The following ANO3 variants were observed in gnomAD, a reference collection of about 807,000 sequenced individuals.
ANO3 encodes anoctamin 3.
ANO3 carries 99 observed loss-of-function variants against 144.8 expected under a neutral mutation model. That is an observed-to-expected ratio of 0.68 (90% CI 0.58 to 0.81). The LOEUF is 0.81. Ranked by LOEUF, ANO3 falls within the 30% of genes least tolerant of loss-of-function variation. The pLI, the probability that ANO3 is intolerant of heterozygous loss-of-function variation, is 0.00. For missense variants in ANO3, 905 were observed against 1,202.2 expected (o/e 0.75, Z 3.66); for synonymous variants, 414 against 392.6 (o/e 1.05, Z -0.64).
At position 26,512,458 on chromosome 11, in the gene ANO3, T is replaced by C. The variant is rs142916598; in HGVS notation, c.591+4196T>C. 2.9e-3 allele frequency among the ~76,000 whole-genome samples: 444 copies of C among 152,248 alleles called. 1 individual carries two copies. Among genetic ancestry groups the C allele is most frequent in the African/African-American group, 9.9e-3 (412 of 41,546 alleles). On this transcript the variant is annotated intron_variant, in intron 5 of 26. Transcript: ENST00000256737. ...GTAATCTTTCTCCCTGACAGCATCA[T>C]CCCCGCACCAGCCCCCTGGCCAGTA...
At chr11:26,309,104 G>A (rs1854450226), upstream of ANO3, among the ~76,000 whole-genome samples, 1 of 152,076 alleles carries the variant, frequency 6.6e-6, no homozygotes, top group Non-Finnish European at 1.5e-5. Context: ...CTAAGTGGAG[G>A]TGTCACTTAA....
intron 1 of ANO3, among the ~76,000 whole-genome samples, chr11:26,387,559 T>A (rs1343066333): frequency 6.6e-6 from 1 of 152,152 alleles, no homozygotes; most frequent in Non-Finnish European, 1.5e-5. Flanking sequence ...TCTTTCTGAT[T>A]CTATATTTTT....
chr11:26,490,259 C>A (rs12290812), intron 4 of ANO3, among the ~76,000 whole-genome samples: 2 of 152,124 alleles, frequency 1.3e-5, no homozygotes, highest in East Asian at 1.9e-4. Context: ...TACTGCCATG[C>A]CTTTTGCCTC....
chr11:26,569,100 A>C (rs1360488121), intron 14 of ANO3, among the ~76,000 whole-genome samples: 1 of 152,012 alleles, frequency 6.6e-6, no homozygotes, highest in Admixed American at 6.6e-5. Flanking sequence ...CCTGTAATGA[A>C]AATCTACACA....
chr11:26,607,819 T>C (rs1279794765), intron 17 of ANO3, among the ~76,000 whole-genome samples: 1 of 152,232 alleles, frequency 6.6e-6, no homozygotes, highest in Non-Finnish European at 1.5e-5. Context: ...TTGGTTATTC[T>C]ACATAGCACC....
intron 1 of ANO3, among the ~76,000 whole-genome samples, chr11:26,212,664 C>G (rs111385486): frequency 6.6e-6 from 1 of 151,600 alleles, no homozygotes; most frequent in African/African-American, 2.4e-5. Flanking sequence ...CCAAAAAAAG[C>G]CCAGGACCAG....
chr11:26,479,273 A>G (rs34302108), intron 4 of ANO3, among the ~76,000 whole-genome samples: 132 of 152,320 alleles, frequency 8.7e-4, no homozygotes, highest in Non-Finnish European at 1.6e-3. Context: ...TTAGAACTGA[A>G]AGAGTCCTGA....
At chr11:26,316,990 C>T (rs1265599643) in intron 1 of ANO3, among the ~76,000 whole-genome samples, 1 of 152,164 alleles carries the variant, frequency 6.6e-6, no homozygotes, top group African/African-American at 2.4e-5. Flanking sequence ...TCCCCCTACA[C>T]CTAGTTGGCC....
chr11:26,449,995 A>G (rs1331963419), intron 3 of ANO3, among the ~76,000 whole-genome samples: 5 of 152,088 alleles, frequency 3.3e-5, no homozygotes, highest in African/African-American at 9.7e-5. Flanking sequence ...ACCTCAGGCA[A>G]TCCGCCCAGC....
chr11:26,552,012 G>A (rs1413118164), intron 12 of ANO3, among the ~76,000 whole-genome samples: 1 of 151,938 alleles, frequency 6.6e-6, no homozygotes, highest in African/African-American at 2.4e-5. Flanking sequence ...AGATATAGTT[G>A]ATGGAGAACT....
At chr11:26,592,150 G>A (rs1229070265) in intron 14 of ANO3, among the ~76,000 whole-genome samples, 1 of 152,118 alleles carries the variant, frequency 6.6e-6, no homozygotes, top group Non-Finnish European at 1.5e-5. Context: ...TGGTTAGGAA[G>A]GGCCATCCAT....
chr11:26,225,622 G>T (rs1852241962), intron 1 of ANO3, among the ~76,000 whole-genome samples: 1 of 151,990 alleles, frequency 6.6e-6, no homozygotes, highest in African/African-American at 2.4e-5. Flanking sequence ...TAAAGTAGTT[G>T]CTTTCAGTGA....
intron 1 of ANO3, among the ~76,000 whole-genome samples, chr11:26,206,445 CTTATA>C: frequency 6.6e-6 from 1 of 152,090 alleles, no homozygotes. Flanking sequence ...TAAAATAGCA[CTTATA>C]TTATTTCCTT....
intron 1 of ANO3, among the ~76,000 whole-genome samples, chr11:26,348,108 T>C (rs533793245): frequency 6.6e-6 from 1 of 152,376 alleles, no homozygotes; most frequent in South Asian, 2.1e-4. Context: ...TTTTCAATAA[T>C]ACTTTCCCTC....
chr11:26,480,668 C>T (rs1266221372), intron 4 of ANO3, among the ~76,000 whole-genome samples: 3 of 151,844 alleles, frequency 2.0e-5, no homozygotes, highest in African/African-American at 4.8e-5. Context: ...ATTAGCCAGG[C>T]GTGGTGGCTC....
chr11:26,623,863 T>C (rs1277032051), intron 17 of ANO3, among the ~76,000 whole-genome samples: 1 of 152,186 alleles, frequency 6.6e-6, no homozygotes, highest in African/African-American at 2.4e-5. Context: ...CTCTGCTCAC[T>C]GGAAGTTCTG....
chr11:26,567,887 G>C (rs1850657132), intron 14 of ANO3, among the ~76,000 whole-genome samples: 1 of 151,938 alleles, frequency 6.6e-6, no homozygotes, highest in Admixed American at 6.6e-5. Context: ...TGCACTGCTT[G>C]AAACACCAGT....
At chr11:26,502,962 A>G (rs573869157) in intron 4 of ANO3, among the ~76,000 whole-genome samples, 1 of 152,172 alleles carries the variant, frequency 6.6e-6, no homozygotes, top group South Asian at 2.1e-4. Context: ...AATCTCTACC[A>G]CTATTTTGCA....
At chr11:26,277,893 A>G (rs1853592659) in intron 1 of ANO3, among the ~76,000 whole-genome samples, 1 of 152,076 alleles carries the variant, frequency 6.6e-6, no homozygotes, top group African/African-American at 2.4e-5. Context: ...ATCTTTATGA[A>G]TAAAAGATGG....
Sources: gnomAD v4.1 joint callset for allele counts (sites outside exome capture counted in the v4.1 genomes callset) on GRCh38, gnomAD v4.1.1 for gene constraint, MANE v1.5 for transcripts, NCBI Gene and HGNC (gene_info 2026-07-23, HGNC 2026-07-21) for gene names.